The following TRO variants were observed in gnomAD, a reference collection of about 807,000 sequenced individuals.
TRO encodes MAGE superfamily protein.
In TRO, 29 loss-of-function variants were observed where a neutral mutation model predicts 42.3. The ratio of observed to expected loss-of-function variants is 0.68; its 90% CI spans 0.51 to 0.93. The LOEUF (loss-of-function observed/expected upper bound fraction) is 0.93. Ranked by LOEUF, TRO falls within the 40% of genes least tolerant of loss-of-function variation. The pLI, the probability that TRO is intolerant of heterozygous loss-of-function variation, is 0.00. For missense variants in TRO, 963 were observed against 1,127.7 expected (o/e 0.85, Z 2.09); for synonymous variants, 384 against 425.2 (o/e 0.90, Z 1.19).
intron 10 of TRO, 131 bp from the exon 11 acceptor site, chrX:54,927,536 G>A (rs979736268): frequency 8.3e-6 from 4 of 482,156 alleles, no homozygotes; most frequent in Non-Finnish European, 1.1e-5. Flanking sequence ...AGTGAGTCTG[G>A]GGCTGGAGGG....
At chrX:54,924,916 C>A (rs1932562684) in intron 5 of TRO, 73 bp from the exon 6 acceptor site, 1 of 1,082,715 alleles carries the variant, frequency 9.2e-7, no homozygotes, top group African/African-American at 1.8e-5. Context: ...ACTGACCCAA[C>A]AGGACTGGCA....
chrX:54,929,812 G>T lies in TRO; in HGVS notation c.3088G>T (p.Gly1030Cys). 1 of 1,210,737 alleles carries T rather than the reference G, an allele frequency of 8.3e-7. No individual in the cohort carries two copies. Among genetic ancestry groups the T allele is most frequent in the Non-Finnish European group, 1.1e-6 (1 of 895,211 alleles). The change falls in exon 12 of 13, where the codon GGT becomes TGT. Residue 1030 changes from glycine to cysteine, a missense_variant. Gly to Cys is a radical substitution (Grantham distance 159). This residue lies in a region of TRO where 641 missense variants were observed against 811.3 expected (regional missense o/e 0.79). Transcript: ENST00000173898. ...GSALNTNAGY[G>C]GAVSTNTDFG... is the part of the protein sequence containing the mutation. ...TGCACTCAACACCAATGCTGGTTAT[G>T]GTGGTGCTGTCAGCACCAACACTGA...
In TRO at chrX:54,925,610, A is replaced by G; in HGVS notation, c.1504A>G (p.Lys502Glu). ...TLEKMFRVNL[K>E]EIDKQSSLYI... ...TTGGCAGATGTTTCGAGTCAATCTG[A>G]AAGAAATTGATAAGCAAAGTAGCTT... Residue 502 changes from lysine to glutamate, a missense_variant, in exon 7 of 13, where the codon AAA becomes GAA. Lys to Glu is a moderately conservative substitution (Grantham distance 56). This residue lies in a region of TRO where 641 missense variants were observed against 811.3 expected (regional missense o/e 0.79). Transcript: ENST00000173898. The G allele has an allele frequency of 8.3e-7, 1 of 1,210,393 alleles. No homozygotes were observed. The highest frequency in any genetic ancestry group is 1.7e-5 in the African/African-American group (1 of 57,837).
chrX:54,926,655 T>A (rs763872649), intron 9 of TRO, 30 bp downstream of exon 9: 28 of 1,210,369 alleles, frequency 2.3e-5, no homozygotes, highest in Non-Finnish European at 3.0e-5. Context: ...GCGCTTGCTG[T>A]CCGTGTTGTC....
At chrX:54,925,118 A>C in intron 6 of TRO, 50 bp downstream of exon 6, 1 of 1,094,486 alleles carries the variant, frequency 9.1e-7, no homozygotes, top group Non-Finnish European at 1.3e-6. Context: ...CTTTGAATCG[A>C]GCAAAGACAT....
rs1263999840 is a variant in TRO at position 54,929,834 on chromosome X, C to G, written c.3110C>G (p.Thr1037Ser). The change falls in exon 12 of 13, where the codon ACT becomes AGT. Residue 1037 changes from threonine to serine, a missense_variant. Coordinates refer to ENST00000173898, the MANE Select transcript of TRO (RefSeq NM_001039705.3). ...TATGGTGGTGCTGTCAGCACCAACA[C>G]TGACTTTGGTGGTACACTAAGCACC... ...AGYGGAVSTN[T>S]DFGGTLSTSV... The G allele has an allele frequency of 8.3e-7, 1 of 1,210,442 alleles. No individual in the cohort carries two copies. The highest frequency in any genetic ancestry group is 1.1e-6 in the Non-Finnish European group (1 of 895,018).
At chrX:54,927,577 T>G in intron 10 of TRO, 90 bp from the exon 11 acceptor site, 1 of 614,913 alleles carries the variant, frequency 1.6e-6, no homozygotes, top group South Asian at 2.8e-5. Flanking sequence ...GGGCTGTTTG[T>G]ATTTGTTTGG....
chrX:54,921,940 A>G (rs2281383), intron 1 of TRO: 75,779 of 239,790 alleles, frequency 0.32, 10,907 homozygotes, highest in East Asian at 0.6. Flanking sequence ...AGGTGGGCCT[A>G]AGATGGGGGG....
At chrX:54,926,976 G>A (rs1162550101) in intron 9 of TRO, 67 bp from the exon 10 acceptor site, 8 of 1,151,566 alleles carry the variant, frequency 6.9e-6, no homozygotes, top group Admixed American at 4.5e-5. Flanking sequence ...TTCCATGTTG[G>A]GAAATGCCTC....
Position 54,922,194 on chromosome X carries a change from C to CT in TRO, c.-44-8dup. 8.5e-7 allele frequency: 1 copy of CT among 1,171,085 alleles called. No individual in the cohort carries two copies. The highest frequency in any genetic ancestry group is 1.2e-6 in the Non-Finnish European group (1 of 865,604). ...TGAATCTCCCCCTCCCTCTCATTCT[C>CT]TAACTCAGGCCCATTCCCCTCAGGC... On this transcript the variant is annotated splice_polypyrimidine_tract_variant and intron_variant, in intron 1 of 12. Transcript: ENST00000173898.
chrX:54,922,307 A>G lies in TRO; in HGVS notation c.45+16A>G. 8.3e-7 allele frequency: 1 copy of G among 1,205,166 alleles called. No individual in the cohort carries two copies. Among genetic ancestry groups the G allele is most frequent in the Non-Finnish European group, 1.1e-6 (1 of 891,897 alleles). On this transcript the variant is annotated intron_variant, in intron 2 of 12. Coordinates refer to ENST00000173898, the MANE Select transcript of TRO (RefSeq NM_001039705.3). Reference sequence around the variant, plus strand: ...TCTATTTCAGGTGAGGCCTCTCTGCATTCTCTCTAGGCCATCTGCCCCATC... The same window carrying G: ...TCTATTTCAGGTGAGGCCTCTCTGCGTTCTCTCTAGGCCATCTGCCCCATC...
chrX:54,924,737 G>A lies in TRO; in HGVS notation c.1405+4G>A, dbSNP rs754305491. 5.0e-6 allele frequency: 6 copies of A among 1,208,752 alleles called. 1 individual carries two copies. The African/African-American group carries it at 1.0e-4, about 21-fold the overall frequency. ...AAGATCCCCATCAAACGCTCAGGTA[G>A]TGTCCTACCAACCCTCCTCCTTGAG... On this transcript the variant is annotated splice_donor_region_variant and intron_variant, in intron 5 of 12. Coordinates refer to ENST00000173898, the MANE Select transcript of TRO (RefSeq NM_001039705.3).
intron 7 of TRO, 144 bp from the exon 8 acceptor site, chrX:54,926,266 G>A (rs1237873298): frequency 1.8e-6 from 1 of 558,374 alleles, no homozygotes; most frequent in African/African-American, 2.3e-5. Context: ...GCAGAGACTG[G>A]GCAGAATTCT....
intron 7 of TRO, 109 bp downstream of exon 7, chrX:54,925,792 G>T: frequency 1.6e-6 from 1 of 640,998 alleles, no homozygotes; most frequent in South Asian, 2.9e-5. Context: ...GGAAAAACAG[G>T]GTCTCAAAAG....
At position 54,923,159 on chromosome X, in the gene TRO, G is replaced by A. The variant is rs1932309907; in HGVS notation, c.627G>A (p.Lys209=). The stretch of plus-strand genomic sequence containing the variant: ...AGCCTAAGAAAGCTTCCAAGGCTAA[G>A]AAGGCTGCAAATAAGGCCATAGCTA... ...SIKPKKASKA[K]KAANKAIASA... is the part of the protein sequence containing the mutation. The change falls in exon 3 of 13, where the codon AAG becomes AAA. Residue 209 remains lysine (K), a synonymous_variant. Coordinates refer to ENST00000173898, the MANE Select transcript of TRO (RefSeq NM_001039705.3). The A allele has an allele frequency of 8.3e-7, 1 of 1,209,812 alleles. No individual in the cohort carries two copies. Among genetic ancestry groups the A allele is most frequent in the African/African-American group, 1.8e-5 (1 of 57,104 alleles).
intron 10 of TRO, 166 bp downstream of exon 10, chrX:54,927,271 G>A: frequency 3.6e-6 from 2 of 562,620 alleles, no homozygotes; most frequent in Non-Finnish European, 5.8e-6. Context: ...ACCTTTCCAG[G>A]ACTGGGCCAG....
chrX:54,930,467 G>C lies in TRO; in HGVS notation c.3743G>C (p.Gly1248Ala). The C allele has an allele frequency of 8.3e-7, 1 of 1,211,221 alleles. No homozygotes were observed. Among genetic ancestry groups the C allele is most frequent in the Non-Finnish European group, 1.1e-6 (1 of 895,299 alleles). Residue 1248 changes from glycine to alanine, a missense_variant, in exon 12 of 13, where the codon GGC becomes GCC. Physicochemically the swap from Gly to Ala is moderately conservative, Grantham distance 60 (BLOSUM62 0). Coordinates refer to ENST00000173898, the MANE Select transcript of TRO (RefSeq NM_001039705.3). ...GATGGTGGGCTAGGTACCAGCGCTG[G>C]CTTCGGTGGAGGACCAGGCACCAGC... Reference protein sequence around the residue: ...GFDGGLGTSAGFGGGPGTSTG... With the variant: ...GFDGGLGTSAAFGGGPGTSTG...
Position 54,922,642 on chromosome X carries a change from C to T in TRO, c.110C>T (p.Thr37Ile). 1 of 1,211,344 alleles carries T rather than the reference C, an allele frequency of 8.3e-7. No homozygotes were observed. Among genetic ancestry groups the T allele is most frequent in the Admixed American group, 2.2e-5 (1 of 45,999 alleles). ...CCTCCAGATATACAGACTGAGACCA[C>T]AGAAGAGGACAGTGTCCTGCTGATG... ...PFPPDIQTET[T>I]EEDSVLLMHT... The change falls in exon 3 of 13, where the codon ACA becomes ATA. Residue 37 changes from threonine (T) to isoleucine (I), a missense_variant. By Grantham distance (89) the Thr-to-Ile change is moderately conservative. Coordinates refer to ENST00000173898, the MANE Select transcript of TRO (RefSeq NM_001039705.3).
chrX:54,927,799 C>T lies in TRO; in HGVS notation c.1878+18C>T, dbSNP rs376229321. 11 of 1,184,077 alleles carry T rather than the reference C, an allele frequency of 9.3e-6. No individual in the cohort carries two copies. Among genetic ancestry groups the T allele is most frequent in the Middle Eastern group, 2.4e-4 (1 of 4,202 alleles). On this transcript the variant is annotated intron_variant, in intron 11 of 12. Transcript: ENST00000173898. The stretch of plus-strand genomic sequence containing the variant: ...CATGCAGGGTAAGAGGAGAGCTGCC[C>T]GAGCTTGGCATATTAAGGCAATGGG...
Sources: allele counts gnomAD v4.1 joint callset, GRCh38; gene constraint gnomAD v4.1.1; regional missense constraint gnomAD v4.1.1; transcripts MANE v1.5; gene names NCBI Gene and HGNC (gene_info 2026-07-23, HGNC 2026-07-21).